PRKCB: variants seen among roughly 807,000 people sequenced by gnomAD.
PRKCB encodes protein kinase C beta.
A neutral mutation model predicts 81.5 loss-of-function variants in PRKCB; 13 were observed. The observed-to-expected ratio is 0.16, with a 90% CI of 0.10 to 0.25. The LOEUF is 0.25. PRKCB is among the 10% of genes least tolerant of loss of function. PRKCB has a pLI of 1.00. For synonymous variants in PRKCB, 335 were observed against 321.4 expected, an observed-to-expected ratio of 1.04 and a Z score of -0.45; for missense variants, 509 against 875.7, an observed-to-expected ratio of 0.58 and a Z score of 5.29.
chr16:23,859,116 A>G (rs185073411), intron 2 of PRKCB, among the ~76,000 whole-genome samples: 1 of 152,320 alleles, frequency 6.6e-6, no homozygotes, highest in Admixed American at 6.5e-5. Flanking sequence ...TGGGTGACAG[A>G]GTGAGACCCT....
At chr16:23,910,931 A>T (rs1963641919) in intron 2 of PRKCB, among the ~76,000 whole-genome samples, 1 of 151,980 alleles carries the variant, frequency 6.6e-6, no homozygotes, top group Non-Finnish European at 1.5e-5. Context: ...ACAATGAATG[A>T]TCCTTTGTGA....
intron 9 of PRKCB, among the ~76,000 whole-genome samples, chr16:24,153,018 G>A (rs1449941728): frequency 6.6e-6 from 1 of 152,212 alleles, no homozygotes. Flanking sequence ...GGAATGCTGT[G>A]AGCTGGCAAG....
intron 2 of PRKCB, among the ~76,000 whole-genome samples, chr16:23,853,230 T>A (rs1328025976): frequency 6.6e-6 from 1 of 152,246 alleles, no homozygotes; most frequent in Non-Finnish European, 1.5e-5. Flanking sequence ...CAGACAAACC[T>A]TGAAGTCTCT....
At chr16:24,034,981 C>T (rs77087779) in intron 4 of PRKCB, among the ~76,000 whole-genome samples, 2,108 of 152,304 alleles carry the variant, frequency 0.014, 59 homozygotes, top group African/African-American at 0.048. Context: ...AGAGCTGTCA[C>T]GTACACATCG....
chr16:23,906,275 T>A (rs1242210628), intron 2 of PRKCB, among the ~76,000 whole-genome samples: 1 of 151,984 alleles, frequency 6.6e-6, no homozygotes, highest in Non-Finnish European at 1.5e-5. Context: ...TTAATTTACA[T>A]CTCTTTGCTT....
In PRKCB at chr16:24,218,022, C is replaced by T. The variant is rs1388786608; in HGVS notation, c.*3206C>T. ...AGGATAGAGGCATATCCCAAGTCTT[C>T]CTTCATTCCACAAATAATTACAAAC... On this transcript the variant is annotated 3_prime_UTR_variant, in exon 17 of 17. Transcript: ENST00000643927. The T allele has an allele frequency of 2.0e-6, 2 of 985,240 alleles. No homozygotes were observed. The highest frequency in any genetic ancestry group is 2.4e-6 in the Non-Finnish European group (2 of 829,932). The allele number at this position is 985,240 out of a possible 1,614,324, so 61.0% of individuals were successfully genotyped here.
At chr16:24,056,631 C>T (rs559192680) in intron 5 of PRKCB, among the ~76,000 whole-genome samples, 5 of 152,198 alleles carry the variant, frequency 3.3e-5, no homozygotes, top group East Asian at 3.9e-4. Context: ...AACGAGTTCT[C>T]GCTCCATGTT....
At chr16:23,962,849 T>A (rs528946962) in intron 2 of PRKCB, 1 of 151,910 alleles carries the variant, frequency 6.6e-6, no homozygotes, top group African/African-American at 2.4e-5. Context: ...CACCCATCAC[T>A]GTAACAGTAT....
At chr16:24,159,105 C>G (rs1433999284) in intron 10 of PRKCB, among the ~76,000 whole-genome samples, 1 of 152,212 alleles carries the variant, frequency 6.6e-6, no homozygotes. Context: ...TTCAGTGAAG[C>G]CACACTACCT....
At chr16:24,079,406 G>C (rs1966221289) in intron 5 of PRKCB, among the ~76,000 whole-genome samples, 1 of 152,166 alleles carries the variant, frequency 6.6e-6, no homozygotes, top group South Asian at 2.1e-4. Flanking sequence ...GTTCCAGTTT[G>C]TTAAGAATTA....
chr16:24,026,961 C>T (rs151111794), intron 3 of PRKCB, among the ~76,000 whole-genome samples: 55 of 152,282 alleles, frequency 3.6e-4, no homozygotes, highest in African/African-American at 1.3e-3. Context: ...GAACCTGGAG[C>T]TTCTCCTACA....
intron 2 of PRKCB, among the ~76,000 whole-genome samples, chr16:23,986,467 G>T (rs1166418519): frequency 6.6e-6 from 1 of 152,068 alleles, no homozygotes; most frequent in East Asian, 1.9e-4. Flanking sequence ...GCCCAGGTTG[G>T]TCTTAAACTC....
chr16:23,869,140 T>A (rs1413908931), intron 2 of PRKCB: 1 of 453,694 alleles, frequency 2.2e-6, no homozygotes, highest in Non-Finnish European at 4.4e-6. Context: ...TTCCCACTGA[T>A]GTGGAGCATT....
At chr16:24,011,140 A>G (rs1965197714) in intron 3 of PRKCB, among the ~76,000 whole-genome samples, 1 of 151,932 alleles carries the variant, frequency 6.6e-6, no homozygotes, top group African/African-American at 2.4e-5. Flanking sequence ...TGCTGGGACT[A>G]CTCAGGCATA....
intron 5 of PRKCB, among the ~76,000 whole-genome samples, chr16:24,049,846 G>T (rs1034277338): frequency 6.6e-6 from 1 of 152,308 alleles, no homozygotes; most frequent in East Asian, 1.9e-4. Context: ...CTTAGCCCAC[G>T]CCTGTGTATC....
chr16:24,207,531 T>C (rs529383014), intron 16 of PRKCB, among the ~76,000 whole-genome samples: 1 of 152,388 alleles, frequency 6.6e-6, no homozygotes, highest in East Asian at 1.9e-4. Flanking sequence ...TTGTACACAC[T>C]GTTAGTAATT....
intron 2 of PRKCB, among the ~76,000 whole-genome samples, chr16:23,902,053 A>AC (rs1963482868): frequency 6.6e-6 from 1 of 151,984 alleles, no homozygotes; most frequent in South Asian, 2.1e-4. Context: ...TGGAATTTTT[A>AC]CCCCCAGGAA....
intron 16 of PRKCB, among the ~76,000 whole-genome samples, chr16:24,211,666 C>G (rs1968140330): frequency 6.7e-6 from 1 of 149,690 alleles, no homozygotes; most frequent in Non-Finnish European, 1.5e-5. Context: ...TTAAGTGATT[C>G]TCCTGCCTCA....
chr16:24,058,038 G>T lies in PRKCB; in HGVS notation c.529+22491G>T, dbSNP rs570737454. ...CTTCCTTCAGCCTCTTTCCAACCTT[G>T]TTTGTTCTTTTCCCATGATAGCCAC... On this transcript the variant is annotated intron_variant, in intron 5 of 16. Coordinates refer to ENST00000643927, the MANE Select transcript of PRKCB (RefSeq NM_002738.7). 1.2e-4 allele frequency among the ~76,000 whole-genome samples: 19 copies of T among 152,190 alleles called. No individual in the cohort carries two copies. The East Asian group carries it at 3.7e-3, about 29-fold the overall frequency.
Sources: allele counts gnomAD v4.1 joint callset (sites outside exome capture counted in the v4.1 genomes callset), GRCh38; gene constraint gnomAD v4.1.1; transcripts MANE v1.5; gene names NCBI Gene and HGNC (gene_info 2026-07-23, HGNC 2026-07-21).